CDK14: variants seen among roughly 807,000 people sequenced by gnomAD.
CDK14 encodes the protein cyclin-dependent kinase 14.
CDK14 carries 34 observed loss-of-function variants against 60.7 expected under a neutral mutation model. The observed-to-expected ratio is 0.56, with a 90% CI of 0.43 to 0.75. CDK14 has a LOEUF of 0.75. Among genes scored for constraint, CDK14 ranks in the 30% least tolerant of loss-of-function variants. The probability of loss-of-function intolerance (pLI) is 0.00; values close to 1 mark genes in which losing one functional copy is unlikely to be tolerated. For missense variants in CDK14, 482 were observed against 564.1 expected (o/e 0.85, Z 1.47); for synonymous variants, 197 against 203.7 (o/e 0.97, Z 0.28).
At chr7:90,761,044 A>T (rs1804293327) in intron 4 of CDK14, among the ~76,000 whole-genome samples, 1 of 152,258 alleles carries the variant, frequency 6.6e-6, no homozygotes, top group Non-Finnish European at 1.5e-5. Context: ...GGTTTCATTT[A>T]GCTTGCAGCA....
chr7:90,726,950 G>T (rs1468897072), intron 3 of CDK14, 138 bp downstream of exon 3: 14 of 969,986 alleles, frequency 1.4e-5, no homozygotes, highest in Non-Finnish European at 2.1e-5. Flanking sequence ...TGAATGTTTT[G>T]GAAGAGAGAG....
chr7:91,136,343 T>C (rs912691068), intron 14 of CDK14, among the ~76,000 whole-genome samples: 2 of 152,202 alleles, frequency 1.3e-5, no homozygotes, highest in African/African-American at 4.8e-5. Flanking sequence ...TCCAGATATT[T>C]ATGGGTCAGA....
chr7:90,600,218 G>A (rs574742779), intron 1 of CDK14, among the ~76,000 whole-genome samples: 2 of 152,312 alleles, frequency 1.3e-5, no homozygotes, highest in South Asian at 4.1e-4. Context: ...AATTACTACA[G>A]TTGTCTCACA....
At chr7:90,705,187 A>G (rs948983399) in intron 2 of CDK14, among the ~76,000 whole-genome samples, 1 of 151,982 alleles carries the variant, frequency 6.6e-6, no homozygotes, top group African/African-American at 2.4e-5. Context: ...AAAAGTTTTA[A>G]TGAAGCTAAT....
At chr7:90,894,057 A>G (rs1421071841) in intron 6 of CDK14, among the ~76,000 whole-genome samples, 2 of 152,070 alleles carry the variant, frequency 1.3e-5, no homozygotes, top group African/African-American at 4.8e-5. Flanking sequence ...ATCTCTTCCA[A>G]CAATTCTTCC....
At chr7:90,874,721 G>A (rs186917984) in intron 6 of CDK14, among the ~76,000 whole-genome samples, 2 of 149,754 alleles carry the variant, frequency 1.3e-5, no homozygotes, top group African/African-American at 4.9e-5. Flanking sequence ...GTAGAGACGG[G>A]GTTTCACCTT....
intron 5 of CDK14, among the ~76,000 whole-genome samples, chr7:90,810,816 T>C (rs1281346523): frequency 6.6e-6 from 1 of 151,614 alleles, no homozygotes; most frequent in East Asian, 1.9e-4. Flanking sequence ...TTCTTATACA[T>C]CAGTAACAGA....
Position 90,621,586 on chromosome 7 carries a change from G to T in CDK14, c.123+17337G>T, listed in dbSNP as rs1487977413. Among the ~76,000 whole-genome samples, 3 of 151,514 alleles carry T rather than the reference G, an allele frequency of 2.0e-5. No homozygotes were observed. In the East Asian group the frequency reaches 5.8e-4, roughly 29 times the overall value. ...ATAATACTTTTGGAGTCTTTTAGGTGAATTTGTTCCCATAATTCAGACTTT... is the reference window on the plus strand; with the variant it reads ...ATAATACTTTTGGAGTCTTTTAGGTTAATTTGTTCCCATAATTCAGACTTT... On this transcript the variant is annotated intron_variant, in intron 2 of 14. Coordinates refer to ENST00000380050, the MANE Select transcript of CDK14 (RefSeq NM_001287135.2).
chr7:91,145,769 C>T (rs1035946063), intron 14 of CDK14, among the ~76,000 whole-genome samples: 1 of 152,064 alleles, frequency 6.6e-6, no homozygotes, highest in East Asian at 1.9e-4. Context: ...ATGTATCTAG[C>T]CTCTCTGAAT....
intron 10 of CDK14, among the ~76,000 whole-genome samples, chr7:90,997,717 T>C (rs1391220251): frequency 2.0e-5 from 3 of 152,228 alleles, no homozygotes; most frequent in Admixed American, 2.0e-4. Context: ...TTAGGTTCTT[T>C]TCTTGGCTCT....
At chr7:91,030,154 C>T (rs1485467093) in intron 10 of CDK14, among the ~76,000 whole-genome samples, 2 of 152,022 alleles carry the variant, frequency 1.3e-5, no homozygotes, top group Non-Finnish European at 2.9e-5. Flanking sequence ...TATCTAAATG[C>T]TATATATACA....
chr7:90,925,692 T>C (rs2117449733), intron 8 of CDK14, among the ~76,000 whole-genome samples: 1 of 152,210 alleles, frequency 6.6e-6, no homozygotes, highest in Non-Finnish European at 1.5e-5. Flanking sequence ...CAAGACCTCG[T>C]CTCTAAAAAA....
chr7:90,691,550 G>A (rs576641993), intron 2 of CDK14, among the ~76,000 whole-genome samples: 1 of 152,224 alleles, frequency 6.6e-6, no homozygotes, highest in South Asian at 2.1e-4. Context: ...ATTGCACAGG[G>A]CCTTGTAGGC....
intron 2 of CDK14, among the ~76,000 whole-genome samples, chr7:90,614,043 G>A (rs983876611): frequency 8.0e-6 from 1 of 125,560 alleles, no homozygotes; most frequent in African/African-American, 3.1e-5. Context: ...TTTCGCTCTT[G>A]TTGCCTAGGC....
intron 5 of CDK14, among the ~76,000 whole-genome samples, chr7:90,833,592 G>T (rs1789988043): frequency 6.6e-6 from 1 of 152,164 alleles, no homozygotes; most frequent in Non-Finnish European, 1.5e-5. Context: ...GTGTTTGATT[G>T]GTGTGAATGA....
intron 11 of CDK14, among the ~76,000 whole-genome samples, chr7:91,068,128 T>G (rs141258640): frequency 2.0e-5 from 3 of 152,350 alleles, no homozygotes; most frequent in African/African-American, 7.2e-5. Context: ...AAACCTAGAC[T>G]ATGCCCTTAA....
At chr7:91,120,663 A>T (rs1799754402) in intron 14 of CDK14, among the ~76,000 whole-genome samples, 2 of 151,948 alleles carry the variant, frequency 1.3e-5, no homozygotes, top group East Asian at 1.9e-4. Context: ...CAGCCTCCCA[A>T]GTAGCTGGGA....
intron 5 of CDK14, among the ~76,000 whole-genome samples, chr7:90,857,118 A>G (rs900192461): frequency 2.6e-5 from 4 of 151,884 alleles, no homozygotes; most frequent in African/African-American, 4.8e-5. Context: ...GGTTTTGGAA[A>G]AAAAAAACAC....
At chr7:90,601,414 T>G (rs1799310836) in intron 1 of CDK14, among the ~76,000 whole-genome samples, 1 of 152,228 alleles carries the variant, frequency 6.6e-6, no homozygotes, top group African/African-American at 2.4e-5. Flanking sequence ...GACTCAATAT[T>G]TAGAAGAAAC....
Sources: allele counts gnomAD v4.1 joint callset (sites outside exome capture counted in the v4.1 genomes callset), GRCh38; gene constraint gnomAD v4.1.1; transcripts MANE v1.5; gene names NCBI Gene and HGNC (gene_info 2026-07-23, HGNC 2026-07-21).